The following PIK3C2G variants were observed in gnomAD, a reference collection of about 807,000 sequenced individuals.
The protein encoded by PIK3C2G is phosphatidylinositol 3-kinase C2 domain-containing subunit gamma.
In PIK3C2G, 168 loss-of-function variants were observed where a neutral mutation model predicts 181.1. That is an observed-to-expected ratio of 0.93 (90% confidence interval 0.82 to 1.05). The LOEUF (loss-of-function observed/expected upper bound fraction) is 1.05. Among genes scored for constraint, PIK3C2G ranks in the 50% least tolerant of loss-of-function variants. PIK3C2G has a pLI of 0.00. For missense variants in PIK3C2G, 1,869 were observed against 1,732.8 expected (o/e 1.08, Z -1.40); for synonymous variants, 573 against 592.2 (o/e 0.97, Z 0.47).
chr12:18,687,955 G>C, the PIK3C2G span: 1 of 1,147,018 alleles, frequency 8.7e-7, no homozygotes, highest in South Asian at 1.5e-5. Flanking sequence ...ATAACATTTT[G>C]CTAATTTTGG....
intron 30 of PIK3C2G, among the ~76,000 whole-genome samples, chr12:18,605,093 C>A (rs1947942484): frequency 6.6e-6 from 1 of 151,954 alleles, no homozygotes; most frequent in African/African-American, 2.4e-5. Context: ...ATGAATGAAA[C>A]AAAAAGCTGG....
intron 16 of PIK3C2G, among the ~76,000 whole-genome samples, chr12:18,405,397 G>GTGT (rs58282294): frequency 0.2 from 28,020 of 139,584 alleles, 2,722 homozygotes; most frequent in South Asian, 0.35. Flanking sequence ...AGCAACATTT[G>GTGT]TGTTGTTGTT....
intron 1 of PIK3C2G, among the ~76,000 whole-genome samples, chr12:18,248,857 T>C (rs1311404751): frequency 2.0e-5 from 3 of 152,100 alleles, no homozygotes; most frequent in Non-Finnish European, 4.4e-5. Flanking sequence ...TGTAGGTTGT[T>C]TTACCCTCTG....
At chr12:18,604,373 C>T (rs1257507869) in intron 30 of PIK3C2G, among the ~76,000 whole-genome samples, 1 of 152,126 alleles carries the variant, frequency 6.6e-6, no homozygotes, top group Non-Finnish European at 1.5e-5. Context: ...GCACCTAACA[C>T]TGGGGCTCCC....
intron 14 of PIK3C2G, among the ~76,000 whole-genome samples, chr12:18,388,019 A>G (rs1592132562): frequency 6.6e-6 from 1 of 152,186 alleles, no homozygotes; most frequent in Non-Finnish European, 1.5e-5. Flanking sequence ...ACATGCTTAT[A>G]TTCCATTATC....
chr12:18,335,380 T>G (rs559289132), intron 8 of PIK3C2G, among the ~76,000 whole-genome samples: 4 of 152,266 alleles, frequency 2.6e-5, no homozygotes, highest in African/African-American at 9.6e-5. Context: ...GGCTTGAAAT[T>G]CCCTCTAAAT....
chr12:18,555,826 G>A (rs1385816489), intron 26 of PIK3C2G, among the ~76,000 whole-genome samples: 10 of 152,118 alleles, frequency 6.6e-5, no homozygotes, highest in Admixed American at 5.9e-4. Context: ...CACAGTGAGA[G>A]CAAAGACTAA....
At chr12:18,649,644 G>A (rs900518960), downstream of PIK3C2G, among the ~76,000 whole-genome samples, 37 of 152,186 alleles carry the variant, frequency 2.4e-4, no homozygotes, top group Non-Finnish European at 5.1e-4. Flanking sequence ...GCCATTACAA[G>A]CAGGTATTTG....
chr12:18,671,878 G>T, the PIK3C2G span, among the ~76,000 whole-genome samples: 2 of 152,116 alleles, frequency 1.3e-5, no homozygotes, highest in Non-Finnish European at 2.9e-5. Context: ...CAGATTCAAT[G>T]TCTGGTGAAG....
chr12:18,293,619 C>G (rs1339618745), intron 4 of PIK3C2G, among the ~76,000 whole-genome samples: 1 of 152,166 alleles, frequency 6.6e-6, no homozygotes, highest in Non-Finnish European at 1.5e-5. Flanking sequence ...TTATGCAGAA[C>G]TGCAGTGTAC....
At chr12:18,709,087 C>T in the PIK3C2G span, among the ~76,000 whole-genome samples, 2 of 152,010 alleles carry the variant, frequency 1.3e-5, no homozygotes, top group Non-Finnish European at 2.9e-5. Context: ...ATAATAATTG[C>T]CAAAGTCAGT....
chr12:18,247,242 T>A (rs1319729349), upstream of PIK3C2G, among the ~76,000 whole-genome samples: 2 of 152,138 alleles, frequency 1.3e-5, no homozygotes, highest in African/African-American at 4.8e-5. Flanking sequence ...AAGACTCCAG[T>A]TTTTTCTCCC....
rs563450452 is a variant in PIK3C2G at position 18,596,479 on chromosome 12, C to G, written c.4087+1910C>G. On this transcript the variant is annotated intron_variant, in intron 30 of 32. Coordinates refer to ENST00000538779, the MANE Select transcript of PIK3C2G (RefSeq NM_001288772.2). ...ATATAGCCCACATACCAAATAATAC[C>G]TCCACAAAAAAATAAAATAAAATTA... is the stretch of plus-strand genomic sequence containing the variant. Among the ~76,000 whole-genome samples the G allele has an allele frequency of 4.1e-4, 62 of 151,994 alleles. 1 individual carries two copies. The highest frequency in any genetic ancestry group is 1.4e-3 in the African/African-American group (58 of 41,456).
At chr12:18,394,832 T>C (rs1300038173) in intron 15 of PIK3C2G, among the ~76,000 whole-genome samples, 1 of 151,840 alleles carries the variant, frequency 6.6e-6, no homozygotes, top group African/African-American at 2.4e-5. Context: ...AATATGTGTG[T>C]ATTGGACACA....
chr12:18,243,694 C>A (rs1948008700), upstream of PIK3C2G, among the ~76,000 whole-genome samples: 2 of 151,950 alleles, frequency 1.3e-5, no homozygotes, highest in South Asian at 2.1e-4. Flanking sequence ...AACTGGCTTT[C>A]ATTTTTAATG....
chr12:18,670,866 T>A, the PIK3C2G span, among the ~76,000 whole-genome samples: 1 of 152,052 alleles, frequency 6.6e-6, no homozygotes, highest in Non-Finnish European at 1.5e-5. Flanking sequence ...AAGCTTTCAA[T>A]TGGAAAAATT....
intron 5 of PIK3C2G, among the ~76,000 whole-genome samples, chr12:18,305,933 CTT>C (rs71061297): frequency 1.4e-5 from 2 of 144,018 alleles, no homozygotes; most frequent in Admixed American, 6.9e-5. Context: ...CCATTGTTAT[CTT>C]TTTTTTTTTT....
chr12:18,388,264 T>C (rs1347559374), intron 14 of PIK3C2G, among the ~76,000 whole-genome samples: 3 of 152,022 alleles, frequency 2.0e-5, no homozygotes, highest in Non-Finnish European at 4.4e-5. Flanking sequence ...ACGTATGTCT[T>C]TTCTTTTCTT....
chr12:18,538,091 T>C, intron 24 of PIK3C2G, 65 bp from the exon 25 acceptor site: 2 of 1,427,618 alleles, frequency 1.4e-6, no homozygotes, highest in Non-Finnish European at 1.9e-6. Context: ...TCGTTATAAC[T>C]GCTGATTTAA....
Sources: allele counts gnomAD v4.1 joint callset (sites outside exome capture counted in the v4.1 genomes callset), GRCh38; gene constraint gnomAD v4.1.1; transcripts MANE v1.5; gene names NCBI Gene and HGNC (gene_info 2026-07-23, HGNC 2026-07-21).